Variants in WHAMM observed in about 807,000 individuals in gnomAD.
WHAMM encodes WASP homolog-associated protein with actin, membranes and microtubules.
A neutral mutation model predicts 76.5 loss-of-function variants in WHAMM; 67 were observed. That is an observed-to-expected ratio of 0.88 (90% CI 0.72 to 1.07). The LOEUF (loss-of-function observed/expected upper bound fraction) is 1.07. Ranked by LOEUF, WHAMM falls within the 50% of genes least tolerant of loss-of-function variation. The pLI, the probability that WHAMM is intolerant of heterozygous loss-of-function variation, is 0.00. For synonymous variants in WHAMM, 419 were observed against 422.1 expected (o/e 0.99, Z 0.09); for missense variants, 1,021 against 1,051.1 (o/e 0.97, Z 0.40).
chr15:82,814,627 T>C (rs2151558097), intron 2 of WHAMM, among the ~76,000 whole-genome samples: 1 of 150,190 alleles, frequency 6.7e-6, no homozygotes, highest in Middle Eastern at 3.5e-3. Context: ...ATTTTGTATT[T>C]TTTTAGTAGA....
intron 9 of WHAMM, among the ~76,000 whole-genome samples, chr15:82,831,949 T>C (rs965158387): frequency 5.9e-5 from 9 of 152,378 alleles, no homozygotes; most frequent in Middle Eastern, 3.4e-3. Context: ...TTGAGCAATC[T>C]GGCTATTCTG....
rs771558757 is a variant in WHAMM, at chr15:82,833,384, C to T, written c.2278C>T (p.Leu760Phe). The change falls in exon 10 of 10, where the codon CTT becomes TTT. Residue 760 changes from leucine (L) to phenylalanine (F), a missense_variant. This residue lies in a region of WHAMM where 509 missense variants were observed against 492.3 expected (regional missense o/e 1.03). Coordinates refer to ENST00000286760, the MANE Select transcript of WHAMM (RefSeq NM_001080435.3). ...GVKLKKVHPD[L>F]GPNPSSKPTS... Reference sequence around the variant, plus strand: ...CAAACTGAAGAAAGTTCACCCTGATCTTGGCCCAAACCCCAGCAGCAAACC... The same window carrying T: ...CAAACTGAAGAAAGTTCACCCTGATTTTGGCCCAAACCCCAGCAGCAAACC... 20 of 1,613,942 alleles carry T rather than the reference C, an allele frequency of 1.2e-5. No homozygotes were observed. The East Asian group carries it at 3.3e-4, about 27-fold the overall frequency.
chr15:82,818,166 C>A, intron 4 of WHAMM, 77 bp downstream of exon 4: 1 of 1,451,864 alleles, frequency 6.9e-7, no homozygotes, highest in South Asian at 1.4e-5. Flanking sequence ...ATAAAGGATA[C>A]AAGTGCAGTT....
In WHAMM at chr15:82,810,061, T is replaced by G. The variant is rs1055947919; in HGVS notation, c.335T>G (p.Leu112Arg). Reference protein sequence around the residue: ...ERCFPRLPPELDVGGGGAWGL... With the variant: ...ERCFPRLPPERDVGGGGAWGL... ...TGCTTCCCGCGGCTGCCGCCGGAGC[T>G]GGACGTGGGCGGCGGCGGGGCCTGG... The change falls in exon 1 of 10, where the codon CTG becomes CGG. Residue 112 changes from leucine to arginine, a missense_variant. This residue lies in a region of WHAMM where 501 missense variants were observed against 524.9 expected (regional missense o/e 0.95). Coordinates refer to ENST00000286760, the MANE Select transcript of WHAMM (RefSeq NM_001080435.3). 6.1e-5 allele frequency: 74 copies of G among 1,207,682 alleles called. No homozygotes were observed. Among genetic ancestry groups the G allele is most frequent in the Non-Finnish European group, 7.5e-5 (73 of 976,742 alleles). 74.8% of individuals were successfully genotyped at this position (1,207,682 alleles called of 1,614,324 possible).
chr15:82,826,589 T>G (rs2050938329), intron 7 of WHAMM, 93 bp downstream of exon 7: 1 of 1,581,342 alleles, frequency 6.3e-7, no homozygotes, highest in African/African-American at 1.3e-5. Context: ...GCCCTGGACC[T>G]GCAGCTGTCA....
In WHAMM at chr15:82,830,913, G is replaced by GCCGCCCCCA. The variant is rs745636031; in HGVS notation, c.1959_1967dup (p.Pro656_Pro658dup). ...CTCCACCACCACCACCGCCGCCACC[G>GCCGCCCCCA]CCGCCCCCACCCCCTCCTCTCCGTG... On this transcript the variant is annotated inframe_insertion, in exon 9 of 10. Transcript: ENST00000286760. 1 of 1,048,760 alleles carries GCCGCCCCCA rather than the reference G, an allele frequency of 9.5e-7. No individual in the cohort carries two copies. Among genetic ancestry groups the GCCGCCCCCA allele is most frequent in the South Asian group, 1.2e-5 (1 of 82,448 alleles). The allele number at this position is 1,048,760 out of a possible 1,614,324, so 65.0% of individuals were successfully genotyped here.
Position 82,810,009 on chromosome 15 carries a change from G to A in WHAMM, c.283G>A (p.Ala95Thr). ...AGLRGAHRQL[A>T]ALWPPLERCF... ...GCTCCGCGGCGCGCACCGGCAGTTG[G>A]CGGCGCTGTGGCCGCCTCTGGAGCG... Residue 95 changes from alanine to threonine, a missense_variant, in exon 1 of 10, where the codon GCG becomes ACG. By Grantham distance (58) the Ala-to-Thr change is moderately conservative. Around this residue, in one of 3 missense-constraint regions of WHAMM, gnomAD observed 501 missense variants for 524.9 expected, o/e 0.95. Coordinates refer to ENST00000286760, the MANE Select transcript of WHAMM (RefSeq NM_001080435.3). 1 of 1,264,060 alleles carries A rather than the reference G, an allele frequency of 7.9e-7. No homozygotes were observed. Among genetic ancestry groups the A allele is most frequent in the Non-Finnish European group, 9.9e-7 (1 of 1,006,642 alleles). 78.3% of individuals were successfully genotyped at this position (1,264,060 alleles called of 1,614,324 possible).
chr15:82,815,628 G>C (rs2050713491), intron 2 of WHAMM, among the ~76,000 whole-genome samples: 1 of 152,112 alleles, frequency 6.6e-6, no homozygotes, highest in Non-Finnish European at 1.5e-5. Context: ...TTAACCTTTT[G>C]AAAGACTGCC....
Position 82,810,865 on chromosome 15 carries a change from A to G in WHAMM, c.609+530A>G, listed in dbSNP as rs2050616536. Among the ~76,000 whole-genome samples the G allele has an allele frequency of 2.6e-5, 4 of 152,316 alleles. No individual in the cohort carries two copies. The South Asian group carries it at 8.3e-4, about 32-fold the overall frequency. On this transcript the variant is annotated intron_variant, in intron 1 of 9. Coordinates refer to ENST00000286760, the MANE Select transcript of WHAMM (RefSeq NM_001080435.3). ...GGTGAACTTTATTCATCAGTTTGGA[A>G]TGACCGCATTAGTGCCCTTTTAAGC...
intron 9 of WHAMM, among the ~76,000 whole-genome samples, chr15:82,832,655 G>A (rs764614144): frequency 4.6e-5 from 7 of 152,146 alleles, no homozygotes; most frequent in Middle Eastern, 3.2e-3. Flanking sequence ...CCACCCCTCC[G>A]GTGGCGGTTC....
At chr15:82,821,099 A>G (rs2050818977) in intron 5 of WHAMM, among the ~76,000 whole-genome samples, 2 of 152,168 alleles carry the variant, frequency 1.3e-5, no homozygotes, top group Non-Finnish European at 2.9e-5. Context: ...TACTTATTTT[A>G]TGAAATGCCT....
rs563189253 is a variant in WHAMM, at chr15:82,816,872, T to C, written c.934+30T>C. On this transcript the variant is annotated intron_variant, in intron 3 of 9. Coordinates refer to ENST00000286760, the MANE Select transcript of WHAMM (RefSeq NM_001080435.3). ...TAATTTAAAAAATGCTATATGAAGA[T>C]ACATGTAATTGATTATCATTTTATT... 3.9e-6 allele frequency: 6 copies of C among 1,537,230 alleles called. No homozygotes were observed. The East Asian group carries it at 1.5e-4, about 37-fold the overall frequency.
Position 82,810,303 on chromosome 15 carries a change from C to A in WHAMM, c.577C>A (p.Arg193=). ...GTTCCGGGAGCGGGCCTTGCGCGCG[C>A]GGTGGGTCGAGGCGGACGCGCGGCT... The part of the protein sequence containing the change: ...REFRERALRA[R]WVEADARLRQ... The change falls in exon 1 of 10, where the codon CGG becomes AGG. Residue 193 remains arginine (R), a synonymous_variant. Transcript: ENST00000286760. The A allele has an allele frequency of 1.5e-6, 2 of 1,336,564 alleles. No homozygotes were observed. The highest frequency in any genetic ancestry group is 1.9e-6 in the Non-Finnish European group (2 of 1,049,918). 82.8% of individuals were successfully genotyped at this position (1,336,564 alleles called of 1,614,324 possible).
chr15:82,824,162 C>T (rs1182043451), intron 6 of WHAMM, among the ~76,000 whole-genome samples: 5 of 118,042 alleles, frequency 4.2e-5, no homozygotes, highest in South Asian at 2.9e-4. Flanking sequence ...TACTTTTCTC[C>T]TTTTTTTTTT....
In WHAMM at chr15:82,826,861, C is replaced by CGG; in HGVS notation, c.1641+15_1641+16insGG. 4.7e-6 allele frequency: 7 copies of CGG among 1,485,428 alleles called. No homozygotes were observed. Among genetic ancestry groups the CGG allele is most frequent in the South Asian group, 2.7e-5 (2 of 72,900 alleles). 92.0% of individuals were successfully genotyped at this position (1,485,428 alleles called of 1,614,324 possible). ...CATTTAAAGATGTAAGTTCTATAAA[C>CGG]AATCACCTCATCTACACTTCTGGGG... On this transcript the variant is annotated intron_variant, in intron 8 of 9. Coordinates refer to ENST00000286760, the MANE Select transcript of WHAMM (RefSeq NM_001080435.3).
rs189242942 is a variant in WHAMM, at chr15:82,820,684, C to T, written c.1270+1196C>T. On this transcript the variant is annotated intron_variant, in intron 5 of 9. Coordinates refer to ENST00000286760, the MANE Select transcript of WHAMM (RefSeq NM_001080435.3). Reference sequence around the variant, plus strand: ...CTGAGTGGGGCAGATCACTTGAGGTCAGGAGTTCAAGACCAGCTTGGCCGA... The same window carrying T: ...CTGAGTGGGGCAGATCACTTGAGGTTAGGAGTTCAAGACCAGCTTGGCCGA... 1.2e-3 allele frequency among the ~76,000 whole-genome samples: 190 copies of T among 152,142 alleles called. 1 individual carries two copies. Among genetic ancestry groups the T allele is most frequent in the South Asian group, 6.6e-3 (32 of 4,814 alleles).
At chr15:82,812,390 G>A (rs1311927883) in intron 1 of WHAMM, among the ~76,000 whole-genome samples, 1 of 152,136 alleles carries the variant, frequency 6.6e-6, no homozygotes, top group Non-Finnish European at 1.5e-5. Flanking sequence ...CACCACGCCC[G>A]GCTAATCTTT....
Position 82,810,317 on chromosome 15 carries a change from G to T in WHAMM, c.591G>T (p.Ala197=). 7.6e-7 allele frequency: 1 copy of T among 1,316,514 alleles called. No homozygotes were observed. Among genetic ancestry groups the T allele is most frequent in the Non-Finnish European group, 9.6e-7 (1 of 1,039,068 alleles). 81.6% of individuals were successfully genotyped at this position (1,316,514 alleles called of 1,614,324 possible). The change falls in exon 1 of 10, where the codon GCG becomes GCT. Residue 197 remains alanine, a synonymous_variant. Transcript: ENST00000286760. ...CCTTGCGCGCGCGGTGGGTCGAGGC[G>T]GACGCGCGGCTGCGCCAGGTAAGCG... ...ERALRARWVE[A]DARLRQVIQG...
rs1238936298 is a variant in WHAMM at position 82,835,915 on chromosome 15, CT to C, written c.*2381del. 2 of 152,198 alleles carry C rather than the reference CT, an allele frequency of 1.3e-5. No individual in the cohort carries two copies. Among genetic ancestry groups the C allele is most frequent in the African/African-American group, 2.4e-5 (1 of 41,440 alleles). 9.4% of individuals were successfully genotyped at this position (152,198 alleles called of 1,614,324 possible). ...AAAATCACAACTTTGTGGGACTTTT[CT>C]TATGCATATTTTGCAGTTTGGCATT... On this transcript the variant is annotated 3_prime_UTR_variant, in exon 10 of 10. Coordinates refer to ENST00000286760, the MANE Select transcript of WHAMM (RefSeq NM_001080435.3).
Sources: gnomAD v4.1 joint callset for allele counts (sites outside exome capture counted in the v4.1 genomes callset) on GRCh38, gnomAD v4.1.1 for gene constraint, gnomAD v4.1.1 regional missense constraint, MANE v1.5 for transcripts, NCBI Gene and HGNC (gene_info 2026-07-23, HGNC 2026-07-21) for gene names.